The following CEP70 variants were observed in gnomAD, a reference collection of about 807,000 sequenced individuals.
CEP70 encodes centrosomal protein 70.
CEP70 carries 70 observed loss-of-function variants against 90.9 expected under a neutral mutation model. The observed-to-expected ratio is 0.77, with a 90% CI of 0.64 to 0.94. The LOEUF is 0.94. Among genes scored for constraint, CEP70 ranks in the 40% least tolerant of loss-of-function variants. The pLI, the probability that CEP70 is intolerant of heterozygous loss-of-function variation, is 0.00. For synonymous variants in CEP70, 220 were observed against 228.3 expected (o/e 0.96, Z 0.33); for missense variants, 648 against 669.0 (o/e 0.97, Z 0.35).
chr3:138,547,280 G>T (rs1443440730), intron 6 of CEP70, among the ~76,000 whole-genome samples: 1 of 152,138 alleles, frequency 6.6e-6, no homozygotes, highest in Non-Finnish European at 1.5e-5. Context: ...ATCCATGGGG[G>T]ATACATTCCA....
At position 138,591,956 on chromosome 3, in the gene CEP70, T is replaced by C. The variant is rs1207789574; in HGVS notation, c.-108A>G. ...TCTCATGTCTGAAACTGGATCTTCA[T>C]CTAGGTTTCAAAAAGATAAAAAGAA... On this transcript the variant is annotated splice_region_variant and 5_prime_UTR_variant, in exon 2 of 18. The change abolishes an upstream ATG in the 5' untranslated region. Coordinates refer to ENST00000264982, the MANE Select transcript of CEP70 (RefSeq NM_024491.4). 5 of 959,018 alleles carry C rather than the reference T, an allele frequency of 5.2e-6. No individual in the cohort carries two copies. Among genetic ancestry groups the C allele is most frequent in the Non-Finnish European group, 6.0e-6 (4 of 671,802 alleles). The allele number at this position is 959,018 out of a possible 1,614,324, so 59.4% of individuals were successfully genotyped here.
At chr3:138,509,222 C>G (rs2035289845) in intron 11 of CEP70, among the ~76,000 whole-genome samples, 1 of 152,110 alleles carries the variant, frequency 6.6e-6, no homozygotes, top group African/African-American at 2.4e-5. Flanking sequence ...GACTTCCATC[C>G]AACGTGCTCC....
chr3:138,519,008 C>G (rs974138612), intron 11 of CEP70, among the ~76,000 whole-genome samples: 1 of 152,108 alleles, frequency 6.6e-6, no homozygotes, highest in Non-Finnish European at 1.5e-5. Flanking sequence ...GAGCTGAAAA[C>G]CAAGGCACGA....
intron 6 of CEP70, among the ~76,000 whole-genome samples, chr3:138,538,865 T>C (rs948464937): frequency 1.3e-5 from 2 of 152,242 alleles, no homozygotes; most frequent in African/African-American, 4.8e-5. Flanking sequence ...TCTGTGTTGC[T>C]AGAAATATGT....
chr3:138,512,672 T>C (rs1037584534), intron 11 of CEP70, among the ~76,000 whole-genome samples: 3 of 152,188 alleles, frequency 2.0e-5, no homozygotes, highest in African/African-American at 7.2e-5. Flanking sequence ...CAGAAAACTG[T>C]ACCTCCAACT....
chr3:138,578,477 G>A (rs1356534590), intron 2 of CEP70, among the ~76,000 whole-genome samples: 3 of 152,148 alleles, frequency 2.0e-5, no homozygotes, highest in Admixed American at 6.5e-5. Flanking sequence ...AGAAGATGCT[G>A]GAACCCTGTG....
intron 2 of CEP70, among the ~76,000 whole-genome samples, chr3:138,576,021 T>C (rs184386637): frequency 6.6e-6 from 1 of 152,136 alleles, no homozygotes; most frequent in East Asian, 1.9e-4. Flanking sequence ...AGACCATCAA[T>C]GCTAGGAAGA....
intron 6 of CEP70, among the ~76,000 whole-genome samples, chr3:138,554,641 T>C (rs770463311): frequency 1.3e-5 from 2 of 152,210 alleles, no homozygotes; most frequent in Non-Finnish European, 2.9e-5. Flanking sequence ...AAAATTAATG[T>C]ACATAAATCA....
intron 6 of CEP70, among the ~76,000 whole-genome samples, chr3:138,562,198 G>A (rs1348856038): frequency 6.6e-6 from 1 of 151,922 alleles, no homozygotes; most frequent in African/African-American, 2.4e-5. Flanking sequence ...AGAAATATGC[G>A]ACTATGTGAA....
chr3:138,514,547 A>G (rs2035830210), intron 11 of CEP70, among the ~76,000 whole-genome samples: 1 of 152,142 alleles, frequency 6.6e-6, no homozygotes, highest in South Asian at 2.1e-4. Context: ...ACTTTGAAAA[A>G]ATATTCTACC....
chr3:138,503,710 C>T lies in CEP70; in HGVS notation c.1221+1585G>A, dbSNP rs77216524. On this transcript the variant is annotated intron_variant, in intron 13 of 17. Coordinates refer to ENST00000264982, the MANE Select transcript of CEP70 (RefSeq NM_024491.4). ...TATAAAGCGAATTCCTTGCCTCCTCCTCCTCCTCAGAAAACCATACAATAG... is the reference window on the plus strand; with the variant it reads ...TATAAAGCGAATTCCTTGCCTCCTCTTCCTCCTCAGAAAACCATACAATAG... Among the ~76,000 whole-genome samples, 1,077 of 152,230 alleles carry T rather than the reference C, an allele frequency of 7.1e-3. 13 individuals are homozygous for T. The highest frequency in any genetic ancestry group is 0.025 in the African/African-American group (1,031 of 41,532).
intron 6 of CEP70, among the ~76,000 whole-genome samples, chr3:138,544,109 T>C (rs1298214880): frequency 6.6e-6 from 1 of 152,140 alleles, no homozygotes; most frequent in African/African-American, 2.4e-5. Context: ...GCCGACACAG[T>C]AAAATCCCCA....
intron 17 of CEP70, chr3:138,495,817 A>G: frequency 1.1e-6 from 1 of 904,916 alleles, no homozygotes; most frequent in Non-Finnish European, 1.3e-6. Flanking sequence ...GCGTCACTGC[A>G]CTCTGGCCTG....
intron 2 of CEP70, among the ~76,000 whole-genome samples, chr3:138,573,512 G>C (rs1382489335): frequency 6.6e-6 from 1 of 152,012 alleles, no homozygotes; most frequent in Non-Finnish European, 1.5e-5. Flanking sequence ...GAATAATAAA[G>C]GCAAAAGTAA....
intron 8 of CEP70, among the ~76,000 whole-genome samples, chr3:138,531,780 T>C (rs542901789): frequency 1.5e-4 from 23 of 149,980 alleles, no homozygotes; most frequent in African/African-American, 5.6e-4. Context: ...CATTATTCTC[T>C]CCAAGATTTT....
At chr3:138,542,490 C>T (rs1268263368) in intron 6 of CEP70, among the ~76,000 whole-genome samples, 1 of 152,204 alleles carries the variant, frequency 6.6e-6, no homozygotes, top group Non-Finnish European at 1.5e-5. Context: ...TGTTTCAGCC[C>T]ATTTGTGTTA....
chr3:138,560,258 G>C (rs760384930), intron 6 of CEP70, among the ~76,000 whole-genome samples: 5 of 152,172 alleles, frequency 3.3e-5, no homozygotes, highest in Non-Finnish European at 7.3e-5. Flanking sequence ...AAACACAAGG[G>C]GTTAGAGAAC....
intron 6 of CEP70, among the ~76,000 whole-genome samples, chr3:138,554,200 GA>G (rs58728127): frequency 0.06 from 7,861 of 131,306 alleles, 546 homozygotes; most frequent in African/African-American, 0.18. Context: ...GACTCCATAT[GA>G]AAAAAAAAAA....
intron 6 of CEP70, among the ~76,000 whole-genome samples, chr3:138,567,161 A>G (rs2040850406): frequency 6.6e-6 from 1 of 152,186 alleles, no homozygotes; most frequent in Admixed American, 6.6e-5. Context: ...TCTTTTCCCA[A>G]AAGTCTTTCA....
Sources: gnomAD v4.1 joint callset for allele counts (sites outside exome capture counted in the v4.1 genomes callset) on GRCh38, gnomAD v4.1.1 for gene constraint, MANE v1.5 for transcripts, NCBI Gene and HGNC (gene_info 2026-07-23, HGNC 2026-07-21) for gene names.